ALLC: variants seen among roughly 807,000 people sequenced by gnomAD.
The protein encoded by ALLC is allantoicase, also known as probable inactive allantoicase.
A neutral mutation model predicts 45.0 loss-of-function variants in ALLC; 40 were observed. The ratio of observed to expected loss-of-function variants is 0.89; its 90% CI spans 0.69 to 1.16. The LOEUF is 1.16. ALLC is among the 50% of genes most tolerant of loss of function. The pLI is 0.00. For missense variants in ALLC, 488 were observed against 493.1 expected (o/e 0.99, Z 0.10); for synonymous variants, 176 against 178.1 (o/e 0.99, Z 0.09).
At chr2:3,672,227 A>T (rs1262855898) in intron 2 of ALLC, among the ~76,000 whole-genome samples, 18 of 75,082 alleles carry the variant, frequency 2.4e-4, no homozygotes, top group Middle Eastern at 0.012. Flanking sequence ...CTGGTTAGAT[A>T]GGAGGTCCTC....
chr2:3,652,580 ATTTTTTTTTTTTTTTTT>A, the ALLC span, among the ~76,000 whole-genome samples: 1 of 93,328 alleles, frequency 1.1e-5, no homozygotes, highest in African/African-American at 3.7e-5. Flanking sequence ...AAACTTTGTG[ATTTTTTTTTTTTTTTTT>A]TTTTTTTTTT....
chr2:3,694,801 C>T (rs1262326190), intron 7 of ALLC: 3 of 152,134 alleles, frequency 2.0e-5, no homozygotes, highest in Non-Finnish European at 2.9e-5. Flanking sequence ...ACATATAGGG[C>T]ATGTTTTAGT....
rs1640535637 is a variant in ALLC, at chr2:3,695,830, G to C, written c.625G>C (p.Gly209Arg). 2 of 1,613,406 alleles carry C rather than the reference G, an allele frequency of 1.2e-6. No homozygotes were observed. Among genetic ancestry groups the C allele is most frequent in the Admixed American group, 1.7e-5 (1 of 59,904 alleles). ...VAIAFGGVCV[G>R]FSNAKFGHPN... The stretch of plus-strand genomic sequence containing the variant: ...CATCGCTTTTGGGGGTGTCTGTGTA[G>C]GATTTAGTAATGCTAAGTTTGGGCA... The change falls in exon 8 of 12, where the codon GGA becomes CGA. Residue 209 changes from glycine (G) to arginine (R), a missense_variant. Physicochemically the swap from Gly to Arg is moderately radical, Grantham distance 125 (BLOSUM62 -2). Transcript: ENST00000252505.
chr2:3,649,778 C>CA, the ALLC span, among the ~76,000 whole-genome samples: 6 of 152,250 alleles, frequency 3.9e-5, no homozygotes, highest in Non-Finnish European at 8.8e-5. Flanking sequence ...ACCAGGGACT[C>CA]ACGTGCACAC....
Position 3,679,743 on chromosome 2 carries a change from A to G in ALLC, c.173-126A>G. On this transcript the variant is annotated intron_variant, in intron 4 of 11. Coordinates refer to ENST00000252505, the MANE Select transcript of ALLC (RefSeq NM_018436.4). ...ATATTAGCTAAGAACCGCCCTGAAC[A>G]GTTTTTTCTGTGATGGACGGAATGG... The G allele has an allele frequency of 3.0e-6, 4 of 1,321,294 alleles. No homozygotes were observed. In the South Asian group the frequency reaches 3.8e-5, roughly 12 times the overall value. The allele number at this position is 1,321,294 out of a possible 1,614,324, so 81.8% of individuals were successfully genotyped here.
At chr2:3,655,261 T>G (rs1433960164), upstream of ALLC, among the ~76,000 whole-genome samples, 1 of 152,234 alleles carries the variant, frequency 6.6e-6, no homozygotes, top group African/African-American at 2.4e-5. Context: ...CTTTGCTGTG[T>G]CCTGTTCACC....
intron 1 of ALLC, among the ~76,000 whole-genome samples, 163 bp from the exon 2 acceptor site, chr2:3,670,933 A>G (rs1666851266): frequency 6.6e-6 from 1 of 150,986 alleles, no homozygotes; most frequent in Admixed American, 6.6e-5. Context: ...TTTTAGTTCA[A>G]CCTCATTGAG....
In ALLC at chr2:3,667,614, C is replaced by T. The variant is rs574620393; in HGVS notation, c.-62-3482C>T. ...ATACCAAAATCACAGGTTGTTCTGA[C>T]GATCGAAATGAGATAAACTGTATGA... On this transcript the variant is annotated intron_variant, in intron 1 of 11. Transcript: ENST00000252505. Among the ~76,000 whole-genome samples, 10 of 152,278 alleles carry T rather than the reference C, an allele frequency of 6.6e-5. No homozygotes were observed. The East Asian group carries it at 1.2e-3, about 18-fold the overall frequency.
upstream of ALLC, among the ~76,000 whole-genome samples, chr2:3,656,067 T>C (rs1333035059): frequency 6.6e-6 from 1 of 152,190 alleles, no homozygotes; most frequent in African/African-American, 2.4e-5. Context: ...TTCCTCAACA[T>C]CAGGTCCCCA....
intron 6 of ALLC, among the ~76,000 whole-genome samples, chr2:3,682,568 C>T (rs986087525): frequency 2.0e-5 from 3 of 152,150 alleles, no homozygotes; most frequent in Non-Finnish European, 1.5e-5. Context: ...CTCTGTGGCC[C>T]AGGCTGGAGT....
intron 2 of ALLC, among the ~76,000 whole-genome samples, chr2:3,673,026 A>T (rs1477664184): frequency 9.9e-6 from 1 of 101,020 alleles, no homozygotes; most frequent in East Asian, 3.2e-4. Flanking sequence ...GAGCACATGG[A>T]CTCCAGCCAT....
chr2:3,681,780 A>C (rs1253304881), intron 6 of ALLC, 67 bp downstream of exon 6: 1 of 1,285,424 alleles, frequency 7.8e-7, no homozygotes, highest in East Asian at 2.5e-5. Context: ...ACTGCTCTGC[A>C]CACCTGGCTG....
chr2:3,682,937 G>A lies in ALLC; in HGVS notation c.379-5G>A. On this transcript the variant is annotated splice_polypyrimidine_tract_variant and splice_region_variant and intron_variant, in intron 6 of 11. Transcript: ENST00000252505. ...AATTGCTGACATTTCTATATTTATT[G>A]CTAGCTAAAATCCGACGACTGGAGT... 6.2e-7 allele frequency: 1 copy of A among 1,612,412 alleles called. No homozygotes were observed. Among genetic ancestry groups the A allele is most frequent in the Non-Finnish European group, 8.5e-7 (1 of 1,179,464 alleles).
chr2:3,679,831 G>C, intron 4 of ALLC, 38 bp from the exon 5 acceptor site: 2 of 1,611,362 alleles, frequency 1.2e-6, no homozygotes, highest in Non-Finnish European at 1.7e-6. Flanking sequence ...TGCTGTGTTG[G>C]CCCTAACGAG....
chr2:3,696,040 G>A (rs1333122421), intron 8 of ALLC, among the ~76,000 whole-genome samples, 168 bp downstream of exon 8: 1 of 152,152 alleles, frequency 6.6e-6, no homozygotes, highest in African/African-American at 2.4e-5. Flanking sequence ...CATGAAATAA[G>A]TCAACATTAC....
upstream of ALLC, among the ~76,000 whole-genome samples, chr2:3,655,203 G>A (rs556546597): frequency 6.6e-5 from 10 of 152,362 alleles, no homozygotes; most frequent in Middle Eastern, 3.4e-3. Context: ...GGGTCAAGAC[G>A]TAAGTCACAG....
intron 10 of ALLC, among the ~76,000 whole-genome samples, chr2:3,701,063 C>T (rs576558648): frequency 2.0e-5 from 3 of 152,238 alleles, no homozygotes; most frequent in South Asian, 2.1e-4. Flanking sequence ...TGGTGCCCAG[C>T]GCTAGCTAAC....
intron 7 of ALLC, among the ~76,000 whole-genome samples, chr2:3,689,947 CT>C (rs36098107): frequency 0.022 from 3,003 of 137,676 alleles, 119 homozygotes; most frequent in African/African-American, 0.071. Context: ...AGTGTCTTGT[CT>C]TTTTTTTTTT....
intron 1 of ALLC, among the ~76,000 whole-genome samples, chr2:3,660,076 G>A (rs906536852): frequency 6.6e-6 from 1 of 152,254 alleles, no homozygotes; most frequent in Non-Finnish European, 1.5e-5. Context: ...CCCCGTGTTG[G>A]AGGTGGGGCC....
Sources: gnomAD v4.1 joint callset for allele counts (sites outside exome capture counted in the v4.1 genomes callset) on GRCh38, gnomAD v4.1.1 for gene constraint, MANE v1.5 for transcripts, NCBI Gene and HGNC (gene_info 2026-07-23, HGNC 2026-07-21) for gene names.